The following SRGAP1 variants were observed in gnomAD, a reference collection of about 807,000 sequenced individuals.
The protein encoded by SRGAP1 is SLIT-ROBO Rho GTPase activating protein 1, also known as SLIT-ROBO Rho GTPase-activating protein 1.
A neutral mutation model predicts 121.9 loss-of-function variants in SRGAP1; 43 were observed. That is an observed-to-expected ratio of 0.35 (90% CI 0.28 to 0.46). SRGAP1 has a LOEUF of 0.46. SRGAP1 is among the 20% of genes least tolerant of loss of function. The probability of loss-of-function intolerance (pLI) is 1.00; values close to 1 mark genes in which losing one functional copy is unlikely to be tolerated. For synonymous variants in SRGAP1, 447 were observed against 485.4 expected (o/e 0.92, Z 1.04); for missense variants, 1,102 against 1,350.9 (o/e 0.82, Z 2.89).
intron 1 of SRGAP1, among the ~76,000 whole-genome samples, chr12:63,922,035 G>A (rs1167557168): frequency 6.6e-6 from 1 of 151,212 alleles, no homozygotes; most frequent in East Asian, 1.9e-4. Flanking sequence ...CTGGAGTGCA[G>A]TGGTGTGATC....
chr12:64,069,588 T>G (rs1380116690), intron 8 of SRGAP1, among the ~76,000 whole-genome samples: 1 of 152,174 alleles, frequency 6.6e-6, no homozygotes, highest in Admixed American at 6.5e-5. Context: ...CACAGCCTTG[T>G]TCCCATTTAT....
At chr12:63,911,896 G>T (rs1347669927) in intron 1 of SRGAP1, among the ~76,000 whole-genome samples, 2 of 152,058 alleles carry the variant, frequency 1.3e-5, no homozygotes, top group African/African-American at 4.8e-5. Context: ...CTTCTCCATT[G>T]ATTTTCCTTA....
intron 4 of SRGAP1, among the ~76,000 whole-genome samples, chr12:64,022,950 A>G (rs1204867798): frequency 6.6e-6 from 1 of 152,122 alleles, no homozygotes; most frequent in African/African-American, 2.4e-5. Context: ...TAAGAGGAAA[A>G]GTACAGCTGA....
chr12:64,093,413 TTC>T (rs1197484314), intron 12 of SRGAP1, among the ~76,000 whole-genome samples: 5 of 152,166 alleles, frequency 3.3e-5, no homozygotes, highest in African/African-American at 1.2e-4. Context: ...ATTGAGAACT[TTC>T]TTAGTGCAAA....
chr12:63,926,399 C>T (rs1402263971), intron 1 of SRGAP1, among the ~76,000 whole-genome samples: 1 of 152,140 alleles, frequency 6.6e-6, no homozygotes, highest in Admixed American at 6.6e-5. Context: ...AGTGAAGGCT[C>T]AGAGAGGTGA....
In SRGAP1 at chr12:64,146,365, T is replaced by A. The variant is rs752731755; in HGVS notation, c.*3693T>A. 2.0e-5 allele frequency: 3 copies of A among 152,114 alleles called. No individual in the cohort carries two copies. Among genetic ancestry groups the A allele is most frequent in the Non-Finnish European group, 4.4e-5 (3 of 68,026 alleles). The allele number at this position is 152,114 out of a possible 1,614,324, so 9.4% of individuals were successfully genotyped here. On this transcript the variant is annotated 3_prime_UTR_variant, in exon 22 of 22. Transcript: ENST00000355086. ...CCGTTAAGGGTTTTCTAACTTTTGC[T>A]ATCCCCCCCGCGACCAAAAAAAGGG...
chr12:63,986,811 T>C (rs1261372630), intron 2 of SRGAP1, among the ~76,000 whole-genome samples: 1 of 152,220 alleles, frequency 6.6e-6, no homozygotes, highest in Non-Finnish European at 1.5e-5. Flanking sequence ...TCCATGTACC[T>C]TATCTGGCCC....
intron 1 of SRGAP1, among the ~76,000 whole-genome samples, chr12:63,859,645 T>C (rs2136264650): frequency 6.6e-6 from 1 of 152,340 alleles, no homozygotes; most frequent in Non-Finnish European, 1.5e-5. Context: ...ATAATACAGT[T>C]ATTTTCTATA....
At chr12:63,981,174 A>C (rs917619352) in intron 1 of SRGAP1, among the ~76,000 whole-genome samples, 4 of 152,194 alleles carry the variant, frequency 2.6e-5, no homozygotes, top group African/African-American at 9.7e-5. Flanking sequence ...TGAGGATTTA[A>C]TTGTTAAATC....
intron 8 of SRGAP1, among the ~76,000 whole-genome samples, chr12:64,074,744 T>C (rs1174015775): frequency 6.6e-6 from 1 of 152,218 alleles, no homozygotes; most frequent in African/African-American, 2.4e-5. Flanking sequence ...CTTTGTAGTA[T>C]TTTAATTACT....
At chr12:63,983,079 A>C (rs2033295325) in intron 1 of SRGAP1, 1 of 152,194 alleles carries the variant, frequency 6.6e-6, no homozygotes, top group South Asian at 2.1e-4. Context: ...CACTGTTATG[A>C]ATGGATTATT....
intron 3 of SRGAP1, among the ~76,000 whole-genome samples, chr12:63,997,983 A>G (rs1036087024): frequency 3.9e-5 from 6 of 152,296 alleles, no homozygotes; most frequent in South Asian, 4.1e-4. Flanking sequence ...AGCAGAGCCT[A>G]TCACTCTTTT....
intron 18 of SRGAP1, among the ~76,000 whole-genome samples, chr12:64,121,851 A>G (rs928033841): frequency 5.9e-5 from 9 of 152,192 alleles, no homozygotes; most frequent in African/African-American, 2.2e-4. Context: ...GGAAAGAAAA[A>G]CATTGCTTAC....
chr12:64,142,185 A>T (rs1042501201), intron 21 of SRGAP1, 110 bp from the exon 22 acceptor site: 9 of 1,080,318 alleles, frequency 8.3e-6, no homozygotes, highest in Non-Finnish European at 1.2e-5. Context: ...GGAGTCAAAG[A>T]TATCCATACT....
intron 1 of SRGAP1, among the ~76,000 whole-genome samples, chr12:63,981,052 C>G (rs1158936678): frequency 1.3e-5 from 2 of 152,134 alleles, no homozygotes; most frequent in Admixed American, 1.3e-4. Flanking sequence ...CACAGTGATG[C>G]TCTGGATTCT....
At chr12:64,010,402 G>A (rs2034218014) in intron 3 of SRGAP1, among the ~76,000 whole-genome samples, 1 of 152,084 alleles carries the variant, frequency 6.6e-6, no homozygotes, top group Admixed American at 6.6e-5. Context: ...GGGAGGTTCT[G>A]GGGGTAAGAC....
intron 18 of SRGAP1, among the ~76,000 whole-genome samples, chr12:64,119,374 C>CAGTTTTTCA (rs1425639494): frequency 6.6e-6 from 1 of 152,162 alleles, no homozygotes; most frequent in Non-Finnish European, 1.5e-5. Context: ...ATTTTAGACT[C>CAGTTTTTCA]AGTTTTTCAA....
At chr12:63,988,444 TA>T (rs1178104118) in intron 2 of SRGAP1, among the ~76,000 whole-genome samples, 1 of 152,094 alleles carries the variant, frequency 6.6e-6, no homozygotes, top group African/African-American at 2.4e-5. Flanking sequence ...GGGTAGAGGG[TA>T]TAATTCTTCA....
intron 1 of SRGAP1, among the ~76,000 whole-genome samples, chr12:63,870,942 G>T (rs1899831648): frequency 6.6e-6 from 1 of 152,090 alleles, no homozygotes; most frequent in South Asian, 2.1e-4. Flanking sequence ...CTCTTCTCTT[G>T]ATTTTATTTA....
Sources: allele counts gnomAD v4.1 joint callset (sites outside exome capture counted in the v4.1 genomes callset), GRCh38; gene constraint gnomAD v4.1.1; transcripts MANE v1.5; gene names NCBI Gene and HGNC (gene_info 2026-07-23, HGNC 2026-07-21).